Variants in RPS3 observed in about 807,000 individuals in gnomAD.
The protein encoded by RPS3 is small ribosomal subunit protein uS3.
RPS3 carries 2 observed loss-of-function variants against 25.8 expected under a neutral mutation model. That is an observed-to-expected ratio of 0.08 (90% CI 0.03 to 0.24). The LOEUF (loss-of-function observed/expected upper bound fraction) is 0.24, where lower values mean the gene tolerates loss of function less well. Among genes scored for constraint, RPS3 ranks in the 10% least tolerant of loss-of-function variants. The pLI is 1.00. For synonymous variants in RPS3, 114 were observed against 114.2 expected, an observed-to-expected ratio of 1.00 and a Z score of 0.01; for missense variants, 107 against 307.1, an observed-to-expected ratio of 0.35 and a Z score of 4.87.
At chr11:75,402,160 C>T (rs1948219437) in intron 3 of RPS3, 192 bp from the exon 4 acceptor site, 1 of 755,940 alleles carries the variant, frequency 1.3e-6, no homozygotes, top group South Asian at 1.8e-5. Context: ...CACACTACTA[C>T]TGGTAGCGCA....
intron 2 of RPS3, 28 bp downstream of exon 2, chr11:75,400,852 T>G (rs1475924025): frequency 1.3e-6 from 2 of 1,597,660 alleles, no homozygotes. Context: ...GGCCATCACC[T>G]ATAATTGTTA....
exon 7 of RPS3, chr11:75,421,922 C>T (rs1191292752): frequency 6.6e-6 from 1 of 152,192 alleles, no homozygotes; most frequent in Non-Finnish European, 1.5e-5. Context: ...TATTCTTTAA[C>T]TGTTAATATA....
intron 3 of RPS3, 163 bp from the exon 4 acceptor site, chr11:75,402,188 AT>A: frequency 2.0e-6 from 2 of 998,718 alleles, no homozygotes; most frequent in Non-Finnish European, 1.5e-6. Flanking sequence ...ACGATGTTGA[AT>A]TTGTGTTGGG....
chr11:75,413,705 C>G (rs1314325190), intron 6 of RPS3, among the ~76,000 whole-genome samples: 1 of 152,206 alleles, frequency 6.6e-6, no homozygotes, highest in African/African-American at 2.4e-5. Context: ...AAAGAGCAGG[C>G]CTGCCCTCTC....
intron 3 of RPS3, chr11:75,401,974 T>G (rs1016458308): frequency 3.6e-6 from 2 of 560,168 alleles, no homozygotes; most frequent in Non-Finnish European, 6.3e-6. Flanking sequence ...CTGTCCCCAT[T>G]GGTGTACTTG....
At chr11:75,418,220 C>T (rs1948415093) in intron 6 of RPS3, among the ~76,000 whole-genome samples, 1 of 152,226 alleles carries the variant, frequency 6.6e-6, no homozygotes, top group Non-Finnish European at 1.5e-5. Flanking sequence ...GGTGGGGGGC[C>T]ATGTGATCCA....
At chr11:75,415,032 C>T (rs144586224) in intron 6 of RPS3, among the ~76,000 whole-genome samples, 1,841 of 152,328 alleles carry the variant, frequency 0.012, 37 homozygotes, top group African/African-American at 0.042. Flanking sequence ...ACAGACCCCA[C>T]CCAGTCCACC....
In RPS3 at chr11:75,419,547, CCTT is replaced by C. The variant is rs1476089754; in HGVS notation, c.*4-2177_*4-2175del. Among the ~76,000 whole-genome samples the C allele has an allele frequency of 2.6e-5, 4 of 151,516 alleles. No homozygotes were observed. In the South Asian group the frequency reaches 6.3e-4, roughly 24 times the overall value. The stretch of plus-strand genomic sequence containing the variant: ...CCAGCCTGGGCAACAGAGTGAGACT[CCTT>C]CTCAAACAAAAAAAAAAAGAAAGAA... On this transcript the variant is annotated intron_variant, in intron 6 of 6. Coordinates refer to the RPS3 transcript ENST00000527446.
At chr11:75,409,830 C>T (rs1412946775), downstream of RPS3, among the ~76,000 whole-genome samples, 1 of 145,688 alleles carries the variant, frequency 6.9e-6, no homozygotes, top group Non-Finnish European at 1.5e-5. Flanking sequence ...CCCCCCACCT[C>T]CCTCCCGGAC....
At position 75,399,532 on chromosome 11, in the gene RPS3, G is replaced by A. The variant is rs17880657; in HGVS notation, c.-16G>A. The A allele has an allele frequency of 4.6e-5, 74 of 1,613,852 alleles. No homozygotes were observed. In the East Asian group the frequency reaches 1.5e-3, roughly 33 times the overall value. Reference sequence around the variant, plus strand: ...GCGAGCCACTTCCTTTCCTTTCAGCGGAGCGCGGCGGCAAGATGGCAGTGC... The same window carrying A: ...GCGAGCCACTTCCTTTCCTTTCAGCAGAGCGCGGCGGCAAGATGGCAGTGC... On this transcript the variant is annotated 5_prime_UTR_variant, in exon 1 of 7. Transcript: ENST00000531188.
downstream of RPS3, among the ~76,000 whole-genome samples, chr11:75,410,036 C>T: frequency 7.0e-6 from 1 of 141,862 alleles, no homozygotes; most frequent in African/African-American, 2.6e-5. Flanking sequence ...CGCCCCTCAC[C>T]TCCCGGACGG....
chr11:75,406,658 C>T lies in RPS3; in HGVS notation c.*1048C>T, dbSNP rs1948292167. ...TTGACTCATAAATTGGTCATCTTAA[C>T]CATTTAAGTGTACACTTCTATAGTG... On this transcript the variant is annotated 3_prime_UTR_variant, in exon 7 of 7. Transcript: ENST00000531188. 2 of 152,142 alleles carry T rather than the reference C, an allele frequency of 1.3e-5. No individual in the cohort carries two copies. The highest frequency in any genetic ancestry group is 1.3e-4 in the Admixed American group (2 of 15,286). 9.4% of individuals were successfully genotyped at this position (152,142 alleles called of 1,614,324 possible). A position where few individuals can be genotyped will look rare whatever the true frequency, so the allele number is the denominator to read the frequency against.
At chr11:75,405,322 T>A (rs1565164927) in intron 6 of RPS3, 1 of 226,244 alleles carries the variant, frequency 4.4e-6, no homozygotes, top group Non-Finnish European at 8.8e-6. Flanking sequence ...GGTGAGCCAC[T>A]GTGCTTGGCT....
At chr11:75,409,245 C>T (rs1178613394), downstream of RPS3, among the ~76,000 whole-genome samples, 1 of 144,350 alleles carries the variant, frequency 6.9e-6, no homozygotes, top group African/African-American at 2.6e-5. Context: ...GGGGATTTGG[C>T]AGGGTCATAG....
downstream of RPS3, among the ~76,000 whole-genome samples, chr11:75,408,849 C>A (rs1288326748): frequency 6.6e-6 from 1 of 152,194 alleles, no homozygotes; most frequent in Admixed American, 6.5e-5. Flanking sequence ...TCTTCTACAT[C>A]TTTTACAGAA....
chr11:75,407,495 G>A (rs953321148), downstream of RPS3, among the ~76,000 whole-genome samples: 6 of 151,960 alleles, frequency 3.9e-5, no homozygotes, highest in East Asian at 1.9e-4. Context: ...TTTTTGAGAC[G>A]GAGTCTCGCT....
At chr11:75,416,446 T>A (rs189388094) in intron 6 of RPS3, among the ~76,000 whole-genome samples, 1 of 148,256 alleles carries the variant, frequency 6.7e-6, no homozygotes, top group Admixed American at 6.9e-5. Flanking sequence ...CCATTTTCCA[T>A]CTTGATTATT....
At chr11:75,418,109 C>T (rs1321031128) in intron 6 of RPS3, among the ~76,000 whole-genome samples, 3 of 152,234 alleles carry the variant, frequency 2.0e-5, no homozygotes, top group Non-Finnish European at 4.4e-5. Flanking sequence ...AAGTCTGCCC[C>T]ATCCCTAAGG....
At chr11:75,399,639 G>A in intron 1 of RPS3, 62 bp downstream of exon 1, 1 of 1,483,170 alleles carries the variant, frequency 6.7e-7, no homozygotes, top group Non-Finnish European at 9.4e-7. Flanking sequence ...GGCTTCTCGG[G>A]GTGCCACCGC....
Sources: gnomAD v4.1 joint callset for allele counts (sites outside exome capture counted in the v4.1 genomes callset) on GRCh38, gnomAD v4.1.1 for gene constraint, MANE v1.5 for transcripts, NCBI Gene and HGNC (gene_info 2026-07-23, HGNC 2026-07-21) for gene names.